Variants in ULK2 observed in about 807,000 individuals in gnomAD.
ULK2 encodes the protein unc-51 like autophagy activating kinase 2.
A neutral mutation model predicts 127.5 loss-of-function variants in ULK2; 76 were observed. The ratio of observed to expected loss-of-function variants is 0.60; its 90% CI spans 0.50 to 0.72. The LOEUF (loss-of-function observed/expected upper bound fraction) is 0.72. ULK2 is among the 30% of genes least tolerant of loss of function. The pLI is 0.00. For missense variants in ULK2, 1,144 were observed against 1,295.9 expected, an observed-to-expected ratio of 0.88 and a Z score of 1.80; for synonymous variants, 452 against 461.9, an observed-to-expected ratio of 0.98 and a Z score of 0.28.
intron 17 of ULK2, among the ~76,000 whole-genome samples, chr17:19,799,065 G>A (rs1477022736): frequency 1.3e-5 from 2 of 151,646 alleles, no homozygotes; most frequent in East Asian, 3.9e-4. Flanking sequence ...GGTGGCTGAG[G>A]CAGAAGAATT....
intron 10 of ULK2, among the ~76,000 whole-genome samples, chr17:19,835,257 C>G (rs2041563894): frequency 6.6e-6 from 1 of 151,066 alleles, no homozygotes; most frequent in Non-Finnish European, 1.5e-5. Flanking sequence ...TCACACCATT[C>G]TCCTGCCTCA....
rs751852130 is a variant in ULK2 at position 19,796,215 on chromosome 17, T to C, written c.1877A>G (p.His626Arg). Residue 626 changes from histidine to arginine, a missense_variant, in exon 19 of 27, where the codon CAT (histidine) becomes CGT (arginine). Around this residue, in one of 2 missense-constraint regions of ULK2, gnomAD observed 913 missense variants for 970.5 expected, o/e 0.94. Coordinates refer to ENST00000395544, the MANE Select transcript of ULK2 (RefSeq NM_014683.4). ...SSNLLALVTR[H>R]GPAEEQSKDG... ...TTTCGACTGTTCTTCAGCAGGCCCA[T>C]GACGAGTAACCAAGGCTAACAGGTT... is the stretch of plus-strand genomic sequence containing the variant. 3 of 1,614,156 alleles carry C rather than the reference T, an allele frequency of 1.9e-6. No individual in the cohort carries two copies. The highest frequency in any genetic ancestry group is 1.7e-5 in the Admixed American group (1 of 60,018).
chr17:19,801,814 G>A lies in ULK2; in HGVS notation c.1404C>T (p.Ser468=). The change falls in exon 16 of 27, where the codon TCC becomes TCT. Residue 468 remains serine (S), a synonymous_variant. Transcript: ENST00000395544. ...GTGAGTAAGGCCTAGAAGACCCAGT[G>A]GAGAGCCTTCGTCCAACTGTCTGTG... ...DTAQTVGRRL[S]TGSSRPYSPS... is the part of the protein sequence containing the mutation. 1 of 1,614,174 alleles carries A rather than the reference G, an allele frequency of 6.2e-7. No individual in the cohort carries two copies. Among genetic ancestry groups the A allele is most frequent in the East Asian group, 2.2e-5 (1 of 44,878 alleles).
In ULK2 at chr17:19,773,657, G is replaced by C. The variant is rs2086767328; in HGVS notation, c.*2692C>G. ...AGCCTCAGCAGAGAGGCGAGCTGGA[G>C]GGAGGGATGGATGCTATCCTTCTCT... On this transcript the variant is annotated 3_prime_UTR_variant, in exon 27 of 27. Transcript: ENST00000395544. 1 of 152,230 alleles carries C rather than the reference G, an allele frequency of 6.6e-6. No homozygotes were observed. Among genetic ancestry groups the C allele is most frequent in the Non-Finnish European group, 1.5e-5 (1 of 68,068 alleles). The allele number at this position is 152,230 out of a possible 1,614,324, so 9.4% of individuals were successfully genotyped here. A position where few individuals can be genotyped will look rare whatever the true frequency, so the allele number is the denominator to read the frequency against.
At chr17:19,835,046 C>T (rs577306792) in intron 10 of ULK2, among the ~76,000 whole-genome samples, 5 of 152,104 alleles carry the variant, frequency 3.3e-5, no homozygotes, top group South Asian at 4.2e-4. Flanking sequence ...ACAACATAGA[C>T]ATAATATGTA....
chr17:19,841,073 G>C (rs563297274), intron 9 of ULK2, among the ~76,000 whole-genome samples: 1 of 151,800 alleles, frequency 6.6e-6, no homozygotes, highest in South Asian at 2.1e-4. Flanking sequence ...ATACAAGTTC[G>C]AGAGGAAAAA....
Position 19,801,768 on chromosome 17 carries a change from T to G in ULK2, c.1441+9A>C. On this transcript the variant is annotated intron_variant, in intron 16 of 26. Transcript: ENST00000395544. Reference sequence around the variant, plus strand: ...AGGTTGAAAACAACTGTTTTTAAACTCTACTTACCCAAAGGGGAAGGTGAG... The same window carrying G: ...AGGTTGAAAACAACTGTTTTTAAACGCTACTTACCCAAAGGGGAAGGTGAG... 1.2e-6 allele frequency: 2 copies of G among 1,610,088 alleles called. No homozygotes were observed. The highest frequency in any genetic ancestry group is 1.1e-5 in the South Asian group (1 of 90,486).
intron 26 of ULK2, among the ~76,000 whole-genome samples, chr17:19,777,315 G>A (rs1195517736): frequency 1.3e-5 from 2 of 152,152 alleles, no homozygotes; most frequent in Admixed American, 1.3e-4. Flanking sequence ...ATGTTGGCCG[G>A]GCTGGTCTTG....
chr17:19,825,785 G>A (rs1334220415), intron 11 of ULK2, among the ~76,000 whole-genome samples: 1 of 151,040 alleles, frequency 6.6e-6, no homozygotes, highest in African/African-American at 2.4e-5. Flanking sequence ...TCCGGAGTTC[G>A]AGACCAGCCT....
chr17:19,792,544 G>C (rs183070756), intron 20 of ULK2, among the ~76,000 whole-genome samples: 3 of 152,188 alleles, frequency 2.0e-5, no homozygotes, highest in African/African-American at 7.2e-5. Context: ...CATAAATTAC[G>C]CAGTCTCAGA....
intron 3 of ULK2, 64 bp from the exon 4 acceptor site, chr17:19,849,838 A>G: frequency 1.1e-6 from 1 of 930,442 alleles, no homozygotes; most frequent in Non-Finnish European, 1.6e-6. Context: ...AAAGATAATG[A>G]TAGTTAAAAA....
chr17:19,801,923 C>T lies in ULK2; in HGVS notation c.1296-1G>A. ...GTTGGACCTTCGTACCACTGCAGAT[C>T]TGAAAAGTAAATTATTCCTTCTATA... is the stretch of plus-strand genomic sequence containing the variant. On this transcript the variant is annotated splice_acceptor_variant, in intron 15 of 26. Transcript: ENST00000395544. LOFTEE classifies it high-confidence loss of function. 6.3e-7 allele frequency: 1 copy of T among 1,589,276 alleles called. No individual in the cohort carries two copies.
Position 19,774,207 on chromosome 17 carries a change from A to C in ULK2, c.*2142T>G, listed in dbSNP as rs1308773606. ...TGCTATACTCAAGGCAAAATCTCTT[A>C]ATTAGCCTTGATAATGGAAGTATAA... On this transcript the variant is annotated 3_prime_UTR_variant, in exon 27 of 27. Transcript: ENST00000395544. 2 of 152,670 alleles carry C rather than the reference A, an allele frequency of 1.3e-5. No homozygotes were observed. The highest frequency in any genetic ancestry group is 4.8e-5 in the African/African-American group (2 of 41,462). The allele number at this position is 152,670 out of a possible 1,614,324, so 9.5% of individuals were successfully genotyped here.
chr17:19,831,460 C>T (rs2041439969), intron 10 of ULK2, among the ~76,000 whole-genome samples: 1 of 152,106 alleles, frequency 6.6e-6, no homozygotes, highest in African/African-American at 2.4e-5. Context: ...ACACAACATA[C>T]TAAAACTTAT....
intron 14 of ULK2, among the ~76,000 whole-genome samples, chr17:19,809,023 A>G (rs888119732): frequency 1.3e-5 from 2 of 152,260 alleles, no homozygotes; most frequent in African/African-American, 4.8e-5. Context: ...GCAACCCCAA[A>G]TGTTCACCAA....
chr17:19,833,048 G>A (rs1159333833), intron 10 of ULK2, among the ~76,000 whole-genome samples: 3 of 150,342 alleles, frequency 2.0e-5, no homozygotes, highest in Admixed American at 6.7e-5. Flanking sequence ...GTTTGAACTC[G>A]GGCGGCGGAG....
At chr17:19,857,991 A>G (rs2042167481) in intron 3 of ULK2, among the ~76,000 whole-genome samples, 1 of 151,930 alleles carries the variant, frequency 6.6e-6, no homozygotes, top group African/African-American at 2.4e-5. Context: ...CCCATCCCTC[A>G]GTCTCTACAG....
rs1567674392 is a variant in ULK2 at position 19,783,883 on chromosome 17, G to A, written c.2274C>T (p.Gly758=). ...CGCGGCCACTCATGGCACAAAGAGA[G>A]CCCCCGGAGTTGCTGGGCCCCACTA... ...TTSVGPSNSG[G]SLCAMSGRVC... is the part of the protein sequence containing the mutation. The change falls in exon 22 of 27, where the codon GGC becomes GGT. Residue 758 remains glycine, a synonymous_variant. Coordinates refer to ENST00000395544, the MANE Select transcript of ULK2 (RefSeq NM_014683.4). 1 of 1,536,352 alleles carries A rather than the reference G, an allele frequency of 6.5e-7. No individual in the cohort carries two copies. The highest frequency in any genetic ancestry group is 1.3e-5 in the South Asian group (1 of 77,780).
intron 3 of ULK2, among the ~76,000 whole-genome samples, chr17:19,860,443 TTCAA>T (rs2042217157): frequency 6.6e-6 from 1 of 152,124 alleles, no homozygotes; most frequent in Non-Finnish European, 1.5e-5. Flanking sequence ...GATGAACAAT[TTCAA>T]TCAATAAAAC....
Sources: gnomAD v4.1 joint callset for allele counts (sites outside exome capture counted in the v4.1 genomes callset) on GRCh38, gnomAD v4.1.1 for gene constraint, gnomAD v4.1.1 regional missense constraint, MANE v1.5 for transcripts, NCBI Gene and HGNC (gene_info 2026-07-23, HGNC 2026-07-21) for gene names.